ZNF423: variants seen among roughly 807,000 people sequenced by gnomAD.
ZNF423 encodes Ebf-associated zinc finger protein.
In ZNF423, 12 loss-of-function variants were observed where a neutral mutation model predicts 95.8. The observed-to-expected ratio is 0.13, with a 90% confidence interval of 0.08 to 0.20. The LOEUF (loss-of-function observed/expected upper bound fraction) is 0.20, where lower values mean the gene tolerates loss of function less well. ZNF423 is among the 10% of genes least tolerant of loss of function. The probability of loss-of-function intolerance (pLI) is 1.00; values close to 1 mark genes in which losing one functional copy is unlikely to be tolerated. For missense variants in ZNF423, 1,316 were observed against 1,737.1 expected (o/e 0.76, Z 4.31); for synonymous variants, 749 against 711.9 (o/e 1.05, Z -0.83).
At chr16:49,593,274 A>G (rs547114732) in intron 5 of ZNF423, among the ~76,000 whole-genome samples, 48 of 152,220 alleles carry the variant, frequency 3.2e-4, no homozygotes, top group Non-Finnish European at 6.2e-4. Flanking sequence ...CTCTACAAAA[A>G]AAATTTAAAA....
chr16:49,822,626 A>G, intron 1 of ZNF423: 2 of 1,517,994 alleles, frequency 1.3e-6, no homozygotes, highest in Non-Finnish European at 8.9e-7. Context: ...CTGTCTGCCT[A>G]CTTCCCTTGC....
At chr16:49,682,535 T>A (rs1159967428) in intron 3 of ZNF423, among the ~76,000 whole-genome samples, 11 of 152,156 alleles carry the variant, frequency 7.2e-5, no homozygotes, top group Non-Finnish European at 1.5e-5. Context: ...TGGTCTAGGA[T>A]CCCAGGAGAG....
intron 1 of ZNF423, chr16:49,854,917 C>CCG: frequency 1.0e-6 from 1 of 985,064 alleles, no homozygotes; most frequent in South Asian, 4.7e-5. Flanking sequence ...GTCGAGGGTG[C>CCG]CGGTGCCCGG....
At chr16:49,543,390 C>A (rs1969322095) in intron 5 of ZNF423, among the ~76,000 whole-genome samples, 1 of 152,116 alleles carries the variant, frequency 6.6e-6, no homozygotes, top group Non-Finnish European at 1.5e-5. Context: ...CATCTCCGTG[C>A]CCACTCCCCA....
chr16:49,815,881 AATATAT>A (rs1169322824), intron 1 of ZNF423, among the ~76,000 whole-genome samples: 12 of 47,588 alleles, frequency 2.5e-4, no homozygotes, highest in South Asian at 1.8e-3. Flanking sequence ...AAAAAAAAAA[AATATAT>A]ATATATATAT....
intron 3 of ZNF423, among the ~76,000 whole-genome samples, chr16:49,699,960 A>G (rs1234474262): frequency 6.6e-6 from 1 of 152,100 alleles, no homozygotes; most frequent in Non-Finnish European, 1.5e-5. Context: ...CCAGGCCAGG[A>G]TATCAGCCTC....
intron 7 of ZNF423, among the ~76,000 whole-genome samples, chr16:49,493,115 C>A (rs1439440598): frequency 4.6e-5 from 7 of 152,120 alleles, no homozygotes; most frequent in African/African-American, 1.7e-4. Context: ...CACCCTCCAG[C>A]CGTGGCACCT....
intron 5 of ZNF423, among the ~76,000 whole-genome samples, chr16:49,587,477 T>C (rs929645456): frequency 6.6e-6 from 1 of 151,542 alleles, no homozygotes; most frequent in African/African-American, 2.4e-5. Flanking sequence ...TGGGGACAGG[T>C]GGAAGGAGCT....
intron 5 of ZNF423, among the ~76,000 whole-genome samples, chr16:49,618,557 T>C (rs538708668): frequency 6.6e-6 from 1 of 152,300 alleles, no homozygotes; most frequent in Admixed American, 6.5e-5. Context: ...TGCCGCCATG[T>C]AAGACGTGCT....
intron 2 of ZNF423, among the ~76,000 whole-genome samples, chr16:49,772,016 A>T (rs1458669179): frequency 6.6e-6 from 1 of 152,130 alleles, no homozygotes; most frequent in Non-Finnish European, 1.5e-5. Flanking sequence ...CATACAAAAG[A>T]GATGTGTTAT....
At chr16:49,849,238 G>A (rs537623652) in intron 1 of ZNF423, among the ~76,000 whole-genome samples, 15 of 152,198 alleles carry the variant, frequency 9.9e-5, no homozygotes, top group East Asian at 3.9e-4. Flanking sequence ...TCTACATGAC[G>A]TCATTCAGGA....
intron 5 of ZNF423, among the ~76,000 whole-genome samples, chr16:49,559,566 C>G (rs1197815882): frequency 1.3e-5 from 2 of 152,278 alleles, no homozygotes; most frequent in East Asian, 3.9e-4. Flanking sequence ...GAATCTTCCC[C>G]CACTGAAAAG....
intron 3 of ZNF423, among the ~76,000 whole-genome samples, chr16:49,693,467 G>A (rs1033444728): frequency 2.0e-5 from 3 of 152,310 alleles, no homozygotes; most frequent in African/African-American, 4.8e-5. Flanking sequence ...ATCAATGACC[G>A]TGGTGAAATG....
At chr16:49,809,767 C>T (rs1436247416) in intron 1 of ZNF423, among the ~76,000 whole-genome samples, 3 of 152,184 alleles carry the variant, frequency 2.0e-5, no homozygotes, top group Non-Finnish European at 2.9e-5. Flanking sequence ...CTCCACCAAG[C>T]CCTGAGGCAT....
intron 2 of ZNF423, among the ~76,000 whole-genome samples, chr16:49,774,953 T>TGGC (rs2034096146): frequency 1.3e-5 from 2 of 152,108 alleles, no homozygotes; most frequent in Non-Finnish European, 2.9e-5. Flanking sequence ...CCCTTGGAGA[T>TGGC]CCTGCCTTAA....
At chr16:49,712,768 C>T (rs1175066488) in intron 3 of ZNF423, among the ~76,000 whole-genome samples, 1 of 152,212 alleles carries the variant, frequency 6.6e-6, no homozygotes, top group Non-Finnish European at 1.5e-5. Context: ...GCGCGATCCG[C>T]GAGTGGAAAC....
At chr16:49,568,628 G>A (rs73580526) in intron 5 of ZNF423, among the ~76,000 whole-genome samples, 7,542 of 152,154 alleles carry the variant, frequency 0.05, 209 homozygotes, top group African/African-American at 0.062. Flanking sequence ...CTGCCCCACA[G>A]TATTAGTACA....
At chr16:49,565,702 G>A (rs991063829) in intron 5 of ZNF423, among the ~76,000 whole-genome samples, 2 of 152,204 alleles carry the variant, frequency 1.3e-5, no homozygotes, top group Non-Finnish European at 2.9e-5. Context: ...TCGGGGCTCC[G>A]TGAACAGGGG....
At chr16:49,841,285 T>C (rs2035180224) in intron 1 of ZNF423, among the ~76,000 whole-genome samples, 1 of 152,068 alleles carries the variant, frequency 6.6e-6, no homozygotes, top group African/African-American at 2.4e-5. Flanking sequence ...CCTTCTCCTA[T>C]CCCCAGGCAC....
Sources: allele counts gnomAD v4.1 joint callset (sites outside exome capture counted in the v4.1 genomes callset), GRCh38; gene constraint gnomAD v4.1.1; transcripts MANE v1.5; gene names NCBI Gene and HGNC (gene_info 2026-07-23, HGNC 2026-07-21).